Variants in RANBP2 observed in about 807,000 individuals in gnomAD.
The protein encoded by RANBP2 is E3 SUMO-protein ligase RanBP2.
A neutral mutation model predicts 303.6 loss-of-function variants in RANBP2; 57 were observed. The ratio of observed to expected loss-of-function variants is 0.19; its 90% CI spans 0.15 to 0.23. The LOEUF is 0.23. Ranked by LOEUF, RANBP2 falls within the 10% of genes least tolerant of loss-of-function variation. RANBP2 has a pLI of 1.00. For synonymous variants in RANBP2, 1,167 were observed against 1,301.5 expected, an observed-to-expected ratio of 0.90 and a Z score of 2.23; for missense variants, 3,138 against 3,780.8, an observed-to-expected ratio of 0.83 and a Z score of 4.46.
the RANBP2 span, among the ~76,000 whole-genome samples, chr2:109,402,875 G>T: frequency 6.6e-6 from 1 of 152,188 alleles, no homozygotes; most frequent in Non-Finnish European, 1.5e-5. Context: ...CGTTGCACTG[G>T]GTTCTGTAGA....
At chr2:109,499,672 GCT>G in the RANBP2 span, among the ~76,000 whole-genome samples, 6 of 152,212 alleles carry the variant, frequency 3.9e-5, no homozygotes, top group African/African-American at 1.4e-4. Flanking sequence ...TTAGAGGAAG[GCT>G]CTCCTGGGGC....
the RANBP2 span, among the ~76,000 whole-genome samples, chr2:109,042,641 A>C: frequency 3.9e-5 from 6 of 152,180 alleles, no homozygotes; most frequent in African/African-American, 1.4e-4. Context: ...ATTCTTGTCT[A>C]TGTTGTTAGC....
the RANBP2 span, among the ~76,000 whole-genome samples, chr2:108,977,742 A>G: frequency 6.6e-6 from 1 of 152,142 alleles, no homozygotes; most frequent in African/African-American, 2.4e-5. Flanking sequence ...AAGGCCTCAG[A>G]GCTGAGGGTG....
At chr2:109,132,863 A>C in the RANBP2 span, among the ~76,000 whole-genome samples, 1 of 152,254 alleles carries the variant, frequency 6.6e-6, no homozygotes, top group African/African-American at 2.4e-5. Flanking sequence ...TTGCTAAAAG[A>C]GTTTTGTGGT....
chr2:109,303,819 A>G, the RANBP2 span, among the ~76,000 whole-genome samples: 1 of 152,214 alleles, frequency 6.6e-6, no homozygotes, highest in Non-Finnish European at 1.5e-5. Flanking sequence ...CACCACCATC[A>G]AGACCGTGAA....
the RANBP2 span, among the ~76,000 whole-genome samples, chr2:109,224,158 C>A: frequency 6.6e-6 from 1 of 152,046 alleles, no homozygotes; most frequent in African/African-American, 2.4e-5. Flanking sequence ...GCTTGGCAGG[C>A]CTAGAGAGTG....
the RANBP2 span, among the ~76,000 whole-genome samples, chr2:109,059,304 G>C: frequency 6.6e-6 from 1 of 152,180 alleles, no homozygotes; most frequent in African/African-American, 2.4e-5. Context: ...GGCTGGGCAA[G>C]GTGGCTCACG....
the RANBP2 span, among the ~76,000 whole-genome samples, chr2:108,988,033 G>A: frequency 1.3e-5 from 2 of 152,210 alleles, no homozygotes; most frequent in Non-Finnish European, 2.9e-5. Flanking sequence ...GAGCCACAGA[G>A]CAGTGGCCTG....
At chr2:109,276,157 G>A in the RANBP2 span, among the ~76,000 whole-genome samples, 3 of 152,186 alleles carry the variant, frequency 2.0e-5, no homozygotes, top group Non-Finnish European at 2.9e-5. Flanking sequence ...TTCGAGTTAG[G>A]AGCAGGCATT....
At chr2:109,701,089 G>A in the RANBP2 span, among the ~76,000 whole-genome samples, 40,662 of 152,108 alleles carry the variant, frequency 0.27, 6,695 homozygotes, top group Non-Finnish European at 0.37. Context: ...CAGCCTTGCC[G>A]CTTGCTTTAC....
the RANBP2 span, among the ~76,000 whole-genome samples, chr2:108,864,508 A>C: frequency 6.6e-6 from 1 of 151,974 alleles, no homozygotes; most frequent in African/African-American, 2.4e-5. Context: ...CAAAAAAATT[A>C]AAAAATTAGC....
the RANBP2 span, among the ~76,000 whole-genome samples, chr2:109,655,775 T>C: frequency 6.6e-6 from 1 of 152,202 alleles, no homozygotes; most frequent in African/African-American, 2.4e-5. Flanking sequence ...ACACGTCTCC[T>C]ATATCATTGT....
the RANBP2 span, among the ~76,000 whole-genome samples, chr2:108,912,114 C>T: frequency 3.4e-4 from 51 of 152,144 alleles, no homozygotes; most frequent in Admixed American, 1.1e-3. Flanking sequence ...GGGTACCTCA[C>T]GGCTCGCTGA....
chr2:109,528,516 C>T, the RANBP2 span, among the ~76,000 whole-genome samples: 1 of 152,174 alleles, frequency 6.6e-6, no homozygotes, highest in African/African-American at 2.4e-5. Flanking sequence ...CCCAGGACCC[C>T]GCTGGAAGGG....
the RANBP2 span, among the ~76,000 whole-genome samples, chr2:109,449,689 T>G: frequency 1.3e-5 from 2 of 152,200 alleles, no homozygotes; most frequent in Admixed American, 1.3e-4. Flanking sequence ...AGGCAGGCCT[T>G]GGGTGCTGGC....
the RANBP2 span, among the ~76,000 whole-genome samples, chr2:109,070,891 C>A: frequency 6.6e-6 from 1 of 151,798 alleles, no homozygotes; most frequent in African/African-American, 2.4e-5. Context: ...GTGCGGCACC[C>A]CTCCCTTCCC....
the RANBP2 span, among the ~76,000 whole-genome samples, chr2:109,111,797 C>A: frequency 1.4e-5 from 2 of 142,774 alleles, no homozygotes; most frequent in African/African-American, 2.6e-5. Flanking sequence ...CCCATCCCAC[C>A]ACAGTCCCCA....
the RANBP2 span, among the ~76,000 whole-genome samples, chr2:108,869,715 GGCCCAGACAGGATGCAT>G: frequency 6.6e-6 from 1 of 152,108 alleles, no homozygotes; most frequent in Non-Finnish European, 1.5e-5. Flanking sequence ...AGCATACACA[GGCCCAGACAGGATGCAT>G]GCCCAGACAA....
At chr2:109,202,589 G>T in the RANBP2 span, among the ~76,000 whole-genome samples, 16 of 152,260 alleles carry the variant, frequency 1.1e-4, no homozygotes, top group Admixed American at 3.9e-4. Context: ...TAAAAATTGA[G>T]AATTCCTTTT....
Sources: allele counts gnomAD v4.1 joint callset (sites outside exome capture counted in the v4.1 genomes callset), GRCh38; gene constraint gnomAD v4.1.1; transcripts MANE v1.5; gene names NCBI Gene and HGNC (gene_info 2026-07-23, HGNC 2026-07-21).